SLC1A1: variants seen among roughly 807,000 people sequenced by gnomAD.
The protein encoded by SLC1A1 is solute carrier family 1 member 1.
Under a neutral mutation model 53.3 loss-of-function variants are expected in SLC1A1, and 43 were observed. That is an observed-to-expected ratio of 0.81 (90% CI 0.63 to 1.04). The LOEUF (loss-of-function observed/expected upper bound fraction) is 1.04, where lower values mean the gene tolerates loss of function less well. Ranked by LOEUF, SLC1A1 falls within the 50% of genes least tolerant of loss-of-function variation. The pLI is 0.00. For synonymous variants in SLC1A1, 307 were observed against 243.2 expected (o/e 1.26, Z -2.44); for missense variants, 748 against 664.9 (o/e 1.12, Z -1.37).
intron 10 of SLC1A1, among the ~76,000 whole-genome samples, chr9:4,580,623 G>GTC (rs1167606505): frequency 3.3e-5 from 4 of 122,632 alleles, no homozygotes; most frequent in Non-Finnish European, 6.9e-5. Flanking sequence ...GTGTGTGTGT[G>GTC]TGTGTGTGTG....
chr9:4,554,313 C>T (rs1467953168), intron 2 of SLC1A1: 3 of 152,200 alleles, frequency 2.0e-5, no homozygotes, highest in Non-Finnish European at 1.5e-5. Flanking sequence ...CTGAGCATCT[C>T]CTATGTGCTG....
intron 10 of SLC1A1, among the ~76,000 whole-genome samples, chr9:4,577,477 G>A (rs143714386): frequency 1.3e-5 from 2 of 152,124 alleles, no homozygotes; most frequent in Non-Finnish European, 2.9e-5. Context: ...TGCATTTTAT[G>A]TATTTATTTA....
chr9:4,514,067 T>C (rs1261584893), intron 1 of SLC1A1, among the ~76,000 whole-genome samples: 1 of 152,208 alleles, frequency 6.6e-6, no homozygotes, highest in Admixed American at 6.5e-5. Flanking sequence ...AGATACAGCA[T>C]GAGAGAGCTC....
chr9:4,561,856 C>A (rs1436497319), intron 3 of SLC1A1, among the ~76,000 whole-genome samples: 1 of 152,044 alleles, frequency 6.6e-6, no homozygotes, highest in Non-Finnish European at 1.5e-5. Context: ...GGTACTTTGA[C>A]AATACTACTT....
chr9:4,565,865 T>C (rs1404966367), intron 4 of SLC1A1, among the ~76,000 whole-genome samples, 182 bp from the exon 5 acceptor site: 1 of 152,204 alleles, frequency 6.6e-6, no homozygotes, highest in Non-Finnish European at 1.5e-5. Flanking sequence ...GAGCTTTCTA[T>C]ACTTGGGTGA....
At position 4,583,925 on chromosome 9, in the gene SLC1A1, C is replaced by G. The variant is rs1161224137; in HGVS notation, c.1328+753C>G. Among the ~76,000 whole-genome samples the G allele has an allele frequency of 2.7e-5, 4 of 149,722 alleles. No homozygotes were observed. Among genetic ancestry groups the G allele is most frequent in the South Asian group, 2.1e-4 (1 of 4,766 alleles). ...ACACACACACACATATGGAATACAGCAGAACATCTGGGTGAGAAAGTACCT... is the reference window on the plus strand; with the variant it reads ...ACACACACACACATATGGAATACAGGAGAACATCTGGGTGAGAAAGTACCT... On this transcript the variant is annotated intron_variant, in intron 11 of 11. Coordinates refer to ENST00000262352, the MANE Select transcript of SLC1A1 (RefSeq NM_004170.6). The surrounding 1 kb of genome is among the most constrained non-coding windows in gnomAD (Gnocchi z 4.6).
chr9:4,542,021 A>T (rs1355192383), intron 1 of SLC1A1, among the ~76,000 whole-genome samples: 8 of 152,158 alleles, frequency 5.3e-5, no homozygotes, highest in Admixed American at 5.2e-4. Flanking sequence ...AAGATAAAGC[A>T]CACCAATTTA....
chr9:4,550,777 G>A (rs983754062), intron 2 of SLC1A1, among the ~76,000 whole-genome samples: 2 of 152,174 alleles, frequency 1.3e-5, no homozygotes, highest in Non-Finnish European at 2.9e-5. Context: ...GATGTAGAAT[G>A]CATATGTGAG....
Position 4,549,240 on chromosome 9 carries a change from A to G in SLC1A1, c.232+4533A>G, listed in dbSNP as rs769158540. On this transcript the variant is annotated intron_variant, in intron 2 of 11. Coordinates refer to ENST00000262352, the MANE Select transcript of SLC1A1 (RefSeq NM_004170.6). This position sits in a 1 kb window ranked among gnomAD's most constrained non-coding sequence, Gnocchi z 4.1. ...CAGCTCTTCCACTTTAGCCTCTGCC[A>G]CCCCCGCCTGGGCCAGAAGCACTCC... 1.3e-5 allele frequency among the ~76,000 whole-genome samples: 2 copies of G among 151,496 alleles called. No individual in the cohort carries two copies. Among genetic ancestry groups the G allele is most frequent in the Non-Finnish European group, 2.9e-5 (2 of 67,882 alleles).
intron 1 of SLC1A1, among the ~76,000 whole-genome samples, chr9:4,508,635 G>C (rs1294737271): frequency 6.6e-6 from 1 of 152,136 alleles, no homozygotes; most frequent in African/African-American, 2.4e-5. Context: ...CACACTTCTG[G>C]GTTCGATGGC....
chr9:4,536,776 A>G (rs1228360064), intron 1 of SLC1A1, among the ~76,000 whole-genome samples: 1 of 152,212 alleles, frequency 6.6e-6, no homozygotes, highest in Non-Finnish European at 1.5e-5. Flanking sequence ...CACAATAGCA[A>G]AGACTTGCAA....
chr9:4,533,920 C>A (rs1027667710), intron 1 of SLC1A1, among the ~76,000 whole-genome samples: 12 of 152,304 alleles, frequency 7.9e-5, no homozygotes, highest in African/African-American at 2.9e-4. Context: ...CAAAACCACT[C>A]AACTACATGG....
At position 4,528,117 on chromosome 9, in the gene SLC1A1, T is replaced by C. The variant is rs1045033307; in HGVS notation, c.92-16450T>C. On this transcript the variant is annotated intron_variant, in intron 1 of 11. Coordinates refer to ENST00000262352, the MANE Select transcript of SLC1A1 (RefSeq NM_004170.6). The stretch of plus-strand genomic sequence containing the variant: ...TTAGGAGCATGGACACTTTGATGCA[T>C]ACCACGATGCGGTGATGACAGTGCT... 2.0e-5 allele frequency among the ~76,000 whole-genome samples: 3 copies of C among 152,174 alleles called. No individual in the cohort carries two copies. In the East Asian group the frequency reaches 5.8e-4, roughly 29 times the overall value.
intron 3 of SLC1A1, among the ~76,000 whole-genome samples, chr9:4,562,984 G>T: frequency 9.1e-6 from 1 of 110,042 alleles, no homozygotes; most frequent in Non-Finnish European, 1.8e-5. Context: ...GGGGGGAGGG[G>T]AGAGGGATAG....
At chr9:4,500,661 C>T (rs989031174) in intron 1 of SLC1A1, among the ~76,000 whole-genome samples, 14 of 152,098 alleles carry the variant, frequency 9.2e-5, no homozygotes, top group African/African-American at 3.4e-4. Flanking sequence ...TGAGGAACAG[C>T]CCCAAACTGC....
rs191870782 is a variant in SLC1A1, at chr9:4,493,457, T to C, written c.91+2687T>C. On this transcript the variant is annotated intron_variant, in intron 1 of 11. Transcript: ENST00000262352. ...ATAATGATAGTAAGAGCTTATTTTA[T>C]AACTGCCTTAACTGATCCAGAAAAA... Among the ~76,000 whole-genome samples, 6 of 152,346 alleles carry C rather than the reference T, an allele frequency of 3.9e-5. No homozygotes were observed. The East Asian group carries it at 1.2e-3, about 29-fold the overall frequency.
In SLC1A1 at chr9:4,549,764, C is replaced by G. The variant is rs889344945; in HGVS notation, c.232+5057C>G. On this transcript the variant is annotated intron_variant, in intron 2 of 11. Transcript: ENST00000262352. The surrounding 1 kb of genome is among the most constrained non-coding windows in gnomAD (Gnocchi z 4.1). ...CTTTCCTCGTGGACCCCATCAGGAG[C>G]CTTCCATAGACTCCATACCATAGTA... 1.3e-5 allele frequency among the ~76,000 whole-genome samples: 2 copies of G among 152,178 alleles called. No individual in the cohort carries two copies. The highest frequency in any genetic ancestry group is 2.4e-5 in the African/African-American group (1 of 41,440).
Position 4,586,751 on chromosome 9 carries a change from G to C in SLC1A1, c.*1193G>C, listed in dbSNP as rs1324497522. On this transcript the variant is annotated 3_prime_UTR_variant, in exon 12 of 12. Transcript: ENST00000262352. ...TTGAACAAGCCACGTTGCAGAAAAAGAGCTTCCCCTAACCTGGGTTGTTGC... is the reference window on the plus strand; with the variant it reads ...TTGAACAAGCCACGTTGCAGAAAAACAGCTTCCCCTAACCTGGGTTGTTGC... The C allele has an allele frequency of 1.3e-5, 2 of 152,152 alleles. No homozygotes were observed. The highest frequency in any genetic ancestry group is 6.5e-5 in the Admixed American group (1 of 15,280). 9.4% of individuals were successfully genotyped at this position (152,152 alleles called of 1,614,324 possible).
intron 1 of SLC1A1, among the ~76,000 whole-genome samples, chr9:4,526,487 A>T (rs1816263804): frequency 6.6e-6 from 1 of 152,220 alleles, no homozygotes; most frequent in Admixed American, 6.5e-5. Flanking sequence ...GTAGGCTCAA[A>T]TTAAGTGATT....
Sources: allele counts gnomAD v4.1 joint callset (sites outside exome capture counted in the v4.1 genomes callset), GRCh38; gene constraint gnomAD v4.1.1; non-coding constraint Gnocchi (gnomAD v3.1); transcripts MANE v1.5; gene names NCBI Gene and HGNC (gene_info 2026-07-23, HGNC 2026-07-21).